SYT16: variants seen among roughly 807,000 people sequenced by gnomAD.
SYT16 encodes the protein synaptotagmin 16.
A neutral mutation model predicts 61.4 loss-of-function variants in SYT16; 42 were observed. The observed-to-expected ratio is 0.68, with a 90% CI of 0.53 to 0.89. The LOEUF (loss-of-function observed/expected upper bound fraction) is 0.89, where lower values mean the gene tolerates loss of function less well. Among genes scored for constraint, SYT16 ranks in the 40% least tolerant of loss-of-function variants. SYT16 has a pLI of 0.00. For synonymous variants in SYT16, 314 were observed against 302.3 expected (o/e 1.04, Z -0.40); for missense variants, 804 against 807.3 (o/e 1.00, Z 0.05).
At chr14:61,832,418 C>T (rs1020316185) in intron 1 of SYT16, 2 of 485,040 alleles carry the variant, frequency 4.1e-6, no homozygotes, top group South Asian at 1.6e-5. Flanking sequence ...CGGTGTCCCG[C>T]GACCCCAGTA....
At chr14:62,049,376 A>G (rs2055162385) in intron 3 of SYT16, among the ~76,000 whole-genome samples, 1 of 152,118 alleles carries the variant, frequency 6.6e-6, no homozygotes. Flanking sequence ...GTGTCTCTGC[A>G]TGTGAGATGG....
Position 61,882,732 on chromosome 14 carries a change from A to T in SYT16, c.-325+69922A>T, listed in dbSNP as rs561675416. ...CCAAAGTCTCATCTGAGACAAGGCA[A>T]GTCCCTTCTGCCTATGAGCCTGTAA... On this transcript the variant is annotated intron_variant, in intron 1 of 7. Transcript: ENST00000683842. Among the ~76,000 whole-genome samples the T allele has an allele frequency of 2.6e-5, 4 of 152,358 alleles. No individual in the cohort carries two copies. In the East Asian group the frequency reaches 7.7e-4, roughly 29 times the overall value.
intron 1 of SYT16, among the ~76,000 whole-genome samples, chr14:61,948,419 A>G (rs1168900833): frequency 6.6e-6 from 1 of 152,122 alleles, no homozygotes; most frequent in Non-Finnish European, 1.5e-5. Context: ...AAACTAAAAA[A>G]AAAAAAAAAT....
intron 6 of SYT16, among the ~76,000 whole-genome samples, chr14:62,082,399 G>C (rs994308803): frequency 3.3e-5 from 5 of 152,144 alleles, no homozygotes; most frequent in Non-Finnish European, 7.3e-5. Context: ...AAAGGCAGTT[G>C]CATTCTTCCA....
At chr14:61,926,244 T>TG (rs1224943452) in intron 1 of SYT16, among the ~76,000 whole-genome samples, 1 of 32,698 alleles carries the variant, frequency 3.1e-5, no homozygotes, top group Non-Finnish European at 5.4e-5. Flanking sequence ...CCCAAATTAA[T>TG]GCAAAGAGTC....
intron 7 of SYT16, among the ~76,000 whole-genome samples, chr14:62,085,529 A>G (rs1019616879): frequency 7.9e-5 from 12 of 152,202 alleles, no homozygotes; most frequent in African/African-American, 2.7e-4. Flanking sequence ...GGCCTCAGGT[A>G]TCAGCAGCAG....
chr14:61,886,898 CTTTTTTTT>C (rs377557650), intron 1 of SYT16, among the ~76,000 whole-genome samples: 3 of 98,198 alleles, frequency 3.1e-5, no homozygotes, highest in Admixed American at 1.1e-4. Flanking sequence ...TTTTTTTTGT[CTTTTTTTT>C]TTTTTCCTTT....
At chr14:61,846,690 C>T (rs2046455357) in intron 1 of SYT16, among the ~76,000 whole-genome samples, 1 of 152,090 alleles carries the variant, frequency 6.6e-6, no homozygotes, top group African/African-American at 2.4e-5. Context: ...TTACTCCTGC[C>T]ATTTTGTCAT....
At chr14:62,015,365 G>A (rs2053629004) in intron 3 of SYT16, among the ~76,000 whole-genome samples, 2 of 152,066 alleles carry the variant, frequency 1.3e-5, no homozygotes, top group Non-Finnish European at 2.9e-5. Context: ...TCTCCAGAAA[G>A]ATGACCAGTG....
chr14:61,900,457 C>T (rs547461713), intron 1 of SYT16, among the ~76,000 whole-genome samples: 2 of 152,220 alleles, frequency 1.3e-5, no homozygotes, highest in South Asian at 2.1e-4. Context: ...TGTGCCTGGC[C>T]GCTATTTTCT....
At chr14:61,964,227 T>C (rs1176743728) in intron 1 of SYT16, among the ~76,000 whole-genome samples, 2 of 152,188 alleles carry the variant, frequency 1.3e-5, no homozygotes, top group African/African-American at 2.4e-5. Flanking sequence ...GTGATTCCTC[T>C]GACTCATATG....
chr14:61,978,575 C>T (rs1017024376), intron 2 of SYT16, among the ~76,000 whole-genome samples: 17 of 152,190 alleles, frequency 1.1e-4, no homozygotes, highest in Non-Finnish European at 2.5e-4. Context: ...AAACTTACAG[C>T]TTTAAAAAGA....
At chr14:61,904,614 AAG>A (rs550823492) in intron 1 of SYT16, among the ~76,000 whole-genome samples, 1 of 152,276 alleles carries the variant, frequency 6.6e-6, no homozygotes, top group South Asian at 2.1e-4. Flanking sequence ...CTACCAAGGA[AAG>A]AGTAAATCTG....
chr14:62,016,942 T>C (rs1488617868), intron 3 of SYT16, among the ~76,000 whole-genome samples: 1 of 152,186 alleles, frequency 6.6e-6, no homozygotes, highest in Non-Finnish European at 1.5e-5. Context: ...AGTACTGTGA[T>C]TTTCCTGTGC....
At chr14:62,060,295 T>C (rs1343323323) in intron 3 of SYT16, among the ~76,000 whole-genome samples, 1 of 152,112 alleles carries the variant, frequency 6.6e-6, no homozygotes, top group East Asian at 1.9e-4. Flanking sequence ...AATTTACTTC[T>C]AAGTATTAGT....
chr14:61,950,238 G>A (rs2050615844), intron 1 of SYT16, among the ~76,000 whole-genome samples: 1 of 152,140 alleles, frequency 6.6e-6, no homozygotes, highest in African/African-American at 2.4e-5. Context: ...CTCTAAATTG[G>A]CCTTGATTCT....
chr14:61,893,832 T>C (rs1415221420), intron 1 of SYT16, among the ~76,000 whole-genome samples: 1 of 152,168 alleles, frequency 6.6e-6, no homozygotes, highest in African/African-American at 2.4e-5. Context: ...TGGAGGTAGG[T>C]CCCATGTCCC....
At chr14:61,950,286 G>A (rs1467641540) in intron 1 of SYT16, among the ~76,000 whole-genome samples, 1 of 152,138 alleles carries the variant, frequency 6.6e-6, no homozygotes, top group Non-Finnish European at 1.5e-5. Context: ...GAGTAACTGG[G>A]TTGAGTCAGG....
intron 3 of SYT16, among the ~76,000 whole-genome samples, chr14:62,051,580 A>G (rs1428651615): frequency 6.6e-6 from 1 of 152,234 alleles, no homozygotes; most frequent in Non-Finnish European, 1.5e-5. Context: ...GGAGCTGTAT[A>G]CTAGAGCTGT....
Sources: allele counts gnomAD v4.1 joint callset (sites outside exome capture counted in the v4.1 genomes callset), GRCh38; gene constraint gnomAD v4.1.1; transcripts MANE v1.5; gene names NCBI Gene and HGNC (gene_info 2026-07-23, HGNC 2026-07-21).